Variants in RANBP2 observed in about 807,000 individuals in gnomAD.
RANBP2 encodes RAN binding protein 2.
RANBP2 carries 57 observed loss-of-function variants against 303.6 expected under a neutral mutation model. The observed-to-expected ratio is 0.19, with a 90% CI of 0.15 to 0.23. The LOEUF is 0.23. Ranked by LOEUF, RANBP2 falls within the 10% of genes least tolerant of loss-of-function variation. The pLI, the probability that RANBP2 is intolerant of heterozygous loss-of-function variation, is 1.00. For missense variants in RANBP2, 3,138 were observed against 3,780.8 expected, an observed-to-expected ratio of 0.83 and a Z score of 4.46; for synonymous variants, 1,167 against 1,301.5, an observed-to-expected ratio of 0.90 and a Z score of 2.23.
the RANBP2 span, among the ~76,000 whole-genome samples, chr2:108,981,692 A>G: frequency 6.6e-6 from 1 of 152,170 alleles, no homozygotes; most frequent in Non-Finnish European, 1.5e-5. Context: ...ACTTCAAGCT[A>G]ATTTGAAACA....
the RANBP2 span, among the ~76,000 whole-genome samples, chr2:109,747,919 AG>A: frequency 7.6e-6 from 1 of 132,124 alleles, no homozygotes; most frequent in African/African-American, 3.0e-5. Flanking sequence ...TACTTCTTAC[AG>A]GGTCCTAAAT....
chr2:108,793,025 C>T, the RANBP2 span, among the ~76,000 whole-genome samples: 2 of 150,430 alleles, frequency 1.3e-5, no homozygotes, highest in Non-Finnish European at 1.5e-5. Flanking sequence ...GACTGTGCCA[C>T]TGCACTCCAG....
the RANBP2 span, among the ~76,000 whole-genome samples, chr2:108,848,193 C>T: frequency 2.0e-5 from 3 of 152,124 alleles, no homozygotes; most frequent in Non-Finnish European, 4.4e-5. Flanking sequence ...AATATGTCAA[C>T]ATACATTATA....
At chr2:108,833,670 A>G in the RANBP2 span, among the ~76,000 whole-genome samples, 1 of 152,134 alleles carries the variant, frequency 6.6e-6, no homozygotes, top group Non-Finnish European at 1.5e-5. Flanking sequence ...ATAAGAAACG[A>G]AACAAATTTT....
chr2:109,285,458 G>A, the RANBP2 span, among the ~76,000 whole-genome samples: 2 of 152,320 alleles, frequency 1.3e-5, no homozygotes, highest in East Asian at 1.9e-4. Flanking sequence ...TGTGCCGTGC[G>A]TTTTTGTTAG....
chr2:108,957,999 T>C, the RANBP2 span, among the ~76,000 whole-genome samples: 10 of 152,268 alleles, frequency 6.6e-5, no homozygotes, highest in Admixed American at 4.6e-4. Flanking sequence ...TGTTTGTCTT[T>C]AAGCAGCCCT....
Position 108,775,817 on chromosome 2 carries a change from C to A in RANBP2, c.8378C>A (p.Ser2793Tyr), listed in dbSNP as rs778038560. ...TEVMVPSFCKSEEPDSITKSI... is the reference protein window; with the variant it reads ...TEVMVPSFCKYEEPDSITKSI... ...GTGATGGTACCTTCTTTCTGTAAAT[C>A]TGAAGAACCTGATTCTATTACCAAA... Residue 2793 changes from serine to tyrosine, a missense_variant, in exon 24 of 29, where the codon TCT becomes TAT. Physicochemically the swap from Ser to Tyr is moderately radical, Grantham distance 144 (BLOSUM62 -2). Transcript: ENST00000283195. The A allele has an allele frequency of 1.2e-6, 2 of 1,613,702 alleles. No individual in the cohort carries two copies. Among genetic ancestry groups the A allele is most frequent in the Non-Finnish European group, 1.7e-6 (2 of 1,179,924 alleles).
chr2:108,731,848 A>T (rs1695190269), intron 4 of RANBP2: 1 of 224,220 alleles, frequency 4.5e-6, no homozygotes, highest in Non-Finnish European at 8.9e-6. Context: ...GTTTTCTAAT[A>T]ACTATTGTCT....
chr2:109,422,917 A>T, the RANBP2 span, among the ~76,000 whole-genome samples: 1 of 151,950 alleles, frequency 6.6e-6, no homozygotes, highest in Non-Finnish European at 1.5e-5. Flanking sequence ...GCAATGGAGG[A>T]GGTGGAGGAG....
chr2:109,226,877 A>G, the RANBP2 span, among the ~76,000 whole-genome samples: 1 of 152,198 alleles, frequency 6.6e-6, no homozygotes, highest in East Asian at 1.9e-4. Flanking sequence ...ATCAGTCAAA[A>G]CACAGAGAGA....
chr2:109,447,779 A>C, the RANBP2 span, among the ~76,000 whole-genome samples: 2 of 152,196 alleles, frequency 1.3e-5, no homozygotes, highest in African/African-American at 4.8e-5. Context: ...GCTGTGTTTA[A>C]AGGGAGCTGT....
the RANBP2 span, among the ~76,000 whole-genome samples, chr2:109,205,655 G>C: frequency 6.6e-6 from 1 of 152,178 alleles, no homozygotes; most frequent in Non-Finnish European, 1.5e-5. Flanking sequence ...GGCTCAGTCT[G>C]TTGGTGTCAG....
At chr2:109,338,206 C>T in the RANBP2 span, among the ~76,000 whole-genome samples, 1 of 152,290 alleles carries the variant, frequency 6.6e-6, no homozygotes, top group East Asian at 1.9e-4. Context: ...AGTAACTCAT[C>T]TGTATTAACT....
the RANBP2 span, among the ~76,000 whole-genome samples, chr2:108,854,373 G>A: frequency 4.0e-5 from 6 of 151,080 alleles, no homozygotes; most frequent in Admixed American, 4.0e-4. Context: ...TACTAGCTGT[G>A]TGGTATTTGG....
At chr2:109,516,736 G>A in the RANBP2 span, among the ~76,000 whole-genome samples, 2 of 152,228 alleles carry the variant, frequency 1.3e-5, no homozygotes, top group Non-Finnish European at 2.9e-5. Context: ...GGATCCCCTC[G>A]ACCGAACAAT....
At chr2:109,384,388 T>G in the RANBP2 span, among the ~76,000 whole-genome samples, 2 of 152,010 alleles carry the variant, frequency 1.3e-5, no homozygotes, top group Non-Finnish European at 2.9e-5. Flanking sequence ...CGCTCGGGAC[T>G]TGGCAGGGAA....
chr2:108,763,620 G>A lies in RANBP2; in HGVS notation c.3081G>A (p.Gln1027=), dbSNP rs1676900995. ...TGCCAACACAAGCACACACAACACA[G>A]CCAACTCCTTTTAAATTTAACTCAA... ...PSLPTQAHTT[Q]PTPFKFNSNF... The change falls in exon 20 of 29, where the codon CAG becomes CAA. Residue 1027 remains glutamine (Q), a synonymous_variant. Coordinates refer to ENST00000283195, the MANE Select transcript of RANBP2 (RefSeq NM_006267.5). The A allele has an allele frequency of 1.2e-6, 2 of 1,614,040 alleles. No homozygotes were observed. Among genetic ancestry groups the A allele is most frequent in the South Asian group, 2.2e-5 (2 of 91,076 alleles).
the RANBP2 span, among the ~76,000 whole-genome samples, chr2:109,105,529 T>C: frequency 6.6e-6 from 1 of 152,168 alleles, no homozygotes; most frequent in Non-Finnish European, 1.5e-5. Flanking sequence ...TTACTTCCTT[T>C]CATTCCTGCT....
chr2:109,114,988 G>A, the RANBP2 span, among the ~76,000 whole-genome samples: 18 of 152,200 alleles, frequency 1.2e-4, no homozygotes, highest in Non-Finnish European at 1.5e-5. Flanking sequence ...TTGCACTGTG[G>A]TCTGAGAGAC....
Sources: allele counts gnomAD v4.1 joint callset (sites outside exome capture counted in the v4.1 genomes callset), GRCh38; gene constraint gnomAD v4.1.1; transcripts MANE v1.5; gene names NCBI Gene and HGNC (gene_info 2026-07-23, HGNC 2026-07-21).